The following MARCHF10 variants were observed in gnomAD, a reference collection of about 807,000 sequenced individuals.
The protein encoded by MARCHF10 is probable E3 ubiquitin-protein ligase MARCHF10.
A neutral mutation model predicts 76.2 loss-of-function variants in MARCHF10; 64 were observed. The ratio of observed to expected loss-of-function variants is 0.84; its 90% CI spans 0.69 to 1.03. The LOEUF is 1.03. Ranked by LOEUF, MARCHF10 falls within the 50% of genes least tolerant of loss-of-function variation. The probability of loss-of-function intolerance (pLI) is 0.00; values close to 1 mark genes in which losing one functional copy is unlikely to be tolerated. For missense variants in MARCHF10, 875 were observed against 958.0 expected, an observed-to-expected ratio of 0.91 and a Z score of 1.14; for synonymous variants, 340 against 357.5, an observed-to-expected ratio of 0.95 and a Z score of 0.55.
chr17:62,785,304 G>A (rs1201138143), intron 3 of MARCHF10, among the ~76,000 whole-genome samples: 1 of 152,128 alleles, frequency 6.6e-6, no homozygotes, highest in Non-Finnish European at 1.5e-5. Context: ...AAATGGTGCT[G>A]GGGAAACTGG....
In MARCHF10 at chr17:62,738,099, C is replaced by CACACACA. The variant is rs891701478; in HGVS notation, c.536-768_536-767insTGTGTGT. On this transcript the variant is annotated intron_variant, in intron 5 of 10. Coordinates refer to ENST00000311269, the MANE Select transcript of MARCHF10 (RefSeq NM_152598.4). This position sits in a 1 kb window ranked among gnomAD's most constrained non-coding sequence, Gnocchi z 4.0. ...ACACACACACACACACACACACACA[C>CACACACA]AACTTAAGCCTCACAACCCTGTGAA... is the stretch of plus-strand genomic sequence containing the variant. Among the ~76,000 whole-genome samples, 27 of 151,142 alleles carry CACACACA rather than the reference C, an allele frequency of 1.8e-4. No homozygotes were observed. The highest frequency in any genetic ancestry group is 1.6e-3 in the Admixed American group (24 of 15,160).
intron 4 of MARCHF10, among the ~76,000 whole-genome samples, chr17:62,750,853 G>A (rs544351231): frequency 1.3e-5 from 2 of 152,280 alleles, no homozygotes; most frequent in African/African-American, 2.4e-5. Flanking sequence ...GGCCTTTCTC[G>A]TCTCCCACTG....
At chr17:62,714,888 GGT>G (rs935463074) in intron 8 of MARCHF10, among the ~76,000 whole-genome samples, 23 of 152,252 alleles carry the variant, frequency 1.5e-4, no homozygotes, top group African/African-American at 5.3e-4. Flanking sequence ...TGGGATTTCA[GGT>G]GTGTGCCACC....
intron 6 of MARCHF10, 56 bp downstream of exon 6, chr17:62,735,875 T>C: frequency 6.6e-7 from 1 of 1,515,578 alleles, no homozygotes; most frequent in Non-Finnish European, 8.9e-7. Flanking sequence ...ACGAAAGCAA[T>C]GCTAATTTTG....
At chr17:62,728,563 G>T (rs897151123) in intron 6 of MARCHF10, among the ~76,000 whole-genome samples, 2 of 152,152 alleles carry the variant, frequency 1.3e-5, no homozygotes, top group African/African-American at 4.8e-5. Context: ...GCTGACTCTA[G>T]AGGAAATGAA....
intron 9 of MARCHF10, among the ~76,000 whole-genome samples, chr17:62,709,361 G>A (rs2089785366): frequency 6.6e-6 from 1 of 152,138 alleles, no homozygotes; most frequent in Non-Finnish European, 1.5e-5. Flanking sequence ...GATAATCCCA[G>A]CTACTCAGGA....
chr17:62,766,514 AAAG>A (rs1193515348), intron 3 of MARCHF10, among the ~76,000 whole-genome samples: 1 of 152,186 alleles, frequency 6.6e-6, no homozygotes, highest in African/African-American at 2.4e-5. Flanking sequence ...AAAGAAAAGA[AAAG>A]AAAAAAAGAA....
intron 4 of MARCHF10, among the ~76,000 whole-genome samples, chr17:62,751,116 C>G (rs1268031727): frequency 6.6e-6 from 1 of 152,310 alleles, no homozygotes; most frequent in South Asian, 2.1e-4. Flanking sequence ...CTCGTTGAAG[C>G]TGATGATCTG....
At chr17:62,716,420 A>G (rs1215301311) in intron 8 of MARCHF10, among the ~76,000 whole-genome samples, 1 of 144,216 alleles carries the variant, frequency 6.9e-6, no homozygotes, top group Non-Finnish European at 1.5e-5. Context: ...AGTGAGACAG[A>G]CCCCATCTCT....
intron 3 of MARCHF10, 133 bp from the exon 4 acceptor site, chr17:62,760,139 G>A (rs772245342): frequency 4.1e-5 from 28 of 689,738 alleles, no homozygotes; most frequent in African/African-American, 4.0e-4. Context: ...AGGTCAACAC[G>A]CCCGTTCACC....
intron 3 of MARCHF10, among the ~76,000 whole-genome samples, chr17:62,772,425 T>G (rs976419593): frequency 1.3e-5 from 2 of 152,232 alleles, no homozygotes; most frequent in African/African-American, 2.4e-5. Flanking sequence ...TGGGTATGTC[T>G]TTATCAGCAA....
At chr17:62,806,142 G>T (rs2148238141) in intron 1 of MARCHF10, among the ~76,000 whole-genome samples, 1 of 152,286 alleles carries the variant, frequency 6.6e-6, no homozygotes, top group Admixed American at 6.5e-5. Context: ...GGTTACCTCA[G>T]TATAAGCAAA....
At chr17:62,763,936 T>G (rs1241316975) in intron 3 of MARCHF10, among the ~76,000 whole-genome samples, 6 of 152,138 alleles carry the variant, frequency 3.9e-5, no homozygotes, top group Non-Finnish European at 7.3e-5. Flanking sequence ...GAGTTATCAC[T>G]CTGCCCAGGG....
intron 3 of MARCHF10, among the ~76,000 whole-genome samples, chr17:62,769,251 C>T (rs554014808): frequency 2.0e-4 from 31 of 152,132 alleles, no homozygotes; most frequent in Non-Finnish European, 3.5e-4. Context: ...CATTTTTTCC[C>T]TTTGTAACTA....
At chr17:62,801,796 G>A in intron 1 of MARCHF10, 44 bp from the exon 2 acceptor site, 1 of 1,316,046 alleles carries the variant, frequency 7.6e-7, no homozygotes, top group Non-Finnish European at 1.1e-6. Flanking sequence ...AGAGTCCTTT[G>A]TCGTGATGCC....
chr17:62,752,050 A>C (rs2091912976), intron 4 of MARCHF10, among the ~76,000 whole-genome samples: 1 of 151,946 alleles, frequency 6.6e-6, no homozygotes, highest in African/African-American at 2.4e-5. Context: ...GAAGAAAAGA[A>C]AACCATTACC....
chr17:62,782,853 A>C (rs2092683173), intron 3 of MARCHF10, among the ~76,000 whole-genome samples: 1 of 152,182 alleles, frequency 6.6e-6, no homozygotes, highest in Non-Finnish European at 1.5e-5. Context: ...ATGGCTGTTA[A>C]GAATGATGCA....
At chr17:62,720,860 ATTTTTTTTTTTTT>A (rs56688878) in intron 8 of MARCHF10, among the ~76,000 whole-genome samples, 1 of 87,992 alleles carries the variant, frequency 1.1e-5, no homozygotes, top group Non-Finnish European at 2.2e-5. Context: ...GTAAGTTGTG[ATTTTTTTTTTTTT>A]TTTTTTTTTT....
intron 3 of MARCHF10, among the ~76,000 whole-genome samples, chr17:62,771,805 G>C (rs2092453665): frequency 6.6e-6 from 1 of 152,172 alleles, no homozygotes; most frequent in South Asian, 2.1e-4. Context: ...TCAAACTCCT[G>C]ACCTCAACTG....
Sources: allele counts gnomAD v4.1 joint callset (sites outside exome capture counted in the v4.1 genomes callset), GRCh38; gene constraint gnomAD v4.1.1; non-coding constraint Gnocchi (gnomAD v3.1); transcripts MANE v1.5; gene names NCBI Gene and HGNC (gene_info 2026-07-23, HGNC 2026-07-21).